Variants in SUGT1 observed in about 807,000 individuals in gnomAD.
SUGT1 encodes SGT1 assembly cochaperone of MIS12 kinetochore complex.
SUGT1 carries 15 observed loss-of-function variants against 56.1 expected under a neutral mutation model. The ratio of observed to expected loss-of-function variants is 0.27; its 90% confidence interval spans 0.18 to 0.41. The LOEUF (loss-of-function observed/expected upper bound fraction) is 0.41. SUGT1 is among the 10% of genes least tolerant of loss of function. SUGT1 has a pLI of 1.00. For missense variants in SUGT1, 347 were observed against 382.2 expected (o/e 0.91, Z 0.77); for synonymous variants, 123 against 128.6 (o/e 0.96, Z 0.30).
rs1054164753 is a variant in SUGT1, at chr13:52,696,281, G to A, written c.*8446G>A. ...CATTCTATGAGATCTCAATTAAAAT[G>A]TCAGTACTCTTGTGGAACTCCCCTC... is the stretch of plus-strand genomic sequence containing the variant. On this transcript the variant is annotated 3_prime_UTR_variant, in exon 13 of 13. Transcript: ENST00000310528. 6.6e-6 allele frequency: 1 copy of A among 152,210 alleles called. No homozygotes were observed. Among genetic ancestry groups the A allele is most frequent in the Non-Finnish European group, 1.5e-5 (1 of 68,060 alleles). The allele number at this position is 152,210 out of a possible 1,614,324, so 9.4% of individuals were successfully genotyped here. A position where few individuals can be genotyped will look rare whatever the true frequency, so the allele number is the denominator to read the frequency against.
In SUGT1 at chr13:52,691,361, A is replaced by T. The variant is rs1963770951; in HGVS notation, c.*3526A>T. On this transcript the variant is annotated 3_prime_UTR_variant, in exon 13 of 13. Transcript: ENST00000310528. ...ATAATTTAGATAGAAATTTTAATTT[A>T]GTTCAGTACTTAAATATTTTTTGGC... The T allele has an allele frequency of 1.3e-5, 2 of 152,116 alleles. No homozygotes were observed. Among genetic ancestry groups the T allele is most frequent in the Admixed American group, 1.3e-4 (2 of 15,288 alleles). The allele number at this position is 152,116 out of a possible 1,614,324, so 9.4% of individuals were successfully genotyped here. A position where few individuals can be genotyped will look rare whatever the true frequency, so the allele number is the denominator to read the frequency against.
At chr13:52,669,169 A>G (rs930909513) in intron 10 of SUGT1, among the ~76,000 whole-genome samples, 2 of 152,122 alleles carry the variant, frequency 1.3e-5, no homozygotes, top group East Asian at 3.9e-4. Context: ...TATACATTTC[A>G]TGTCCCTCGT....
At position 52,657,511 on chromosome 13, in the gene SUGT1, T is replaced by C. The variant is rs747621796; in HGVS notation, c.97-21T>C. 3.1e-6 allele frequency: 5 copies of C among 1,606,580 alleles called. No homozygotes were observed. In the East Asian group the frequency reaches 1.1e-4, roughly 36 times the overall value. On this transcript the variant is annotated intron_variant, in intron 2 of 12. Transcript: ENST00000310528. ...GCTTCTTACAAACTTTTACTGACGC[T>C]CCACATGTTTGTTTTTGTAGGAGCT... is the stretch of plus-strand genomic sequence containing the variant.
In SUGT1 at chr13:52,688,641, T is replaced by C. The variant is rs1963680189; in HGVS notation, c.*806T>C. 1 of 152,204 alleles carries C rather than the reference T, an allele frequency of 6.6e-6. No individual in the cohort carries two copies. The highest frequency in any genetic ancestry group is 1.5e-5 in the Non-Finnish European group (1 of 68,040). 9.4% of individuals were successfully genotyped at this position (152,204 alleles called of 1,614,324 possible). A position where few individuals can be genotyped will look rare whatever the true frequency, so the allele number is the denominator to read the frequency against. On this transcript the variant is annotated 3_prime_UTR_variant, in exon 13 of 13. Transcript: ENST00000310528. ...GAAAATCTCTGTTGTCACGTCCCCA[T>C]GATTACTTTGGTTTCATTGGTTTAT...
intron 5 of SUGT1, among the ~76,000 whole-genome samples, chr13:52,659,730 A>T (rs1360710904): frequency 6.7e-6 from 1 of 148,244 alleles, no homozygotes; most frequent in Non-Finnish European, 1.5e-5. Flanking sequence ...TTGAGGGAAT[A>T]TATGAAAAGT....
intron 10 of SUGT1, among the ~76,000 whole-genome samples, chr13:52,668,019 C>T (rs1335874377): frequency 1.3e-5 from 2 of 151,520 alleles, no homozygotes; most frequent in Non-Finnish European, 2.9e-5. Flanking sequence ...GCTCTGTTGC[C>T]AGGGTGGAGT....
At position 52,653,255 on chromosome 13, in the gene SUGT1, T is replaced by C. The variant is rs1961998251; in HGVS notation, c.96+152T>C. ...AGCTCCGGTATTGAGATTCTCCGTC[T>C]CTTTTCTCTGTTACACGGTAGCCGC... On this transcript the variant is annotated intron_variant, in intron 2 of 12. Coordinates refer to ENST00000310528, the MANE Select transcript of SUGT1 (RefSeq NM_006704.5). The C allele has an allele frequency of 4.1e-6, 4 of 973,000 alleles. No homozygotes were observed. The African/African-American group carries it at 4.9e-5, about 12-fold the overall frequency. The allele number at this position is 973,000 out of a possible 1,614,324, so 60.3% of individuals were successfully genotyped here.
intron 10 of SUGT1, among the ~76,000 whole-genome samples, chr13:52,674,958 G>A (rs1156636118): frequency 6.6e-6 from 1 of 152,064 alleles, no homozygotes; most frequent in Non-Finnish European, 1.5e-5. Flanking sequence ...GATGCTATTA[G>A]GATACTATTA....
At chr13:52,662,749 A>T (rs1000485547) in intron 6 of SUGT1, 47 bp downstream of exon 6, 1 of 1,575,216 alleles carries the variant, frequency 6.3e-7, no homozygotes. Context: ...AAAGAAGTAA[A>T]CATCTGAAAT....
intron 10 of SUGT1, among the ~76,000 whole-genome samples, chr13:52,669,613 T>C (rs1962849456): frequency 6.6e-6 from 1 of 152,224 alleles, no homozygotes; most frequent in Admixed American, 6.5e-5. Context: ...TAGGTTTTTC[T>C]AAGTTTTGAA....
At chr13:52,678,437 T>G (rs1695101723) in intron 11 of SUGT1, among the ~76,000 whole-genome samples, 1 of 152,106 alleles carries the variant, frequency 6.6e-6, no homozygotes, top group South Asian at 2.1e-4. Flanking sequence ...AGAGCAGTAT[T>G]GGGAGGAACA....
chr13:52,658,378 A>C, intron 3 of SUGT1, 21 bp from the exon 4 acceptor site: 1 of 1,609,298 alleles, frequency 6.2e-7, no homozygotes, highest in Non-Finnish European at 8.5e-7. Context: ...ACTGACTAAA[A>C]ACCCGTCTTT....
intron 2 of SUGT1, among the ~76,000 whole-genome samples, chr13:52,654,876 C>G (rs1962084481): frequency 6.6e-6 from 1 of 152,354 alleles, no homozygotes; most frequent in East Asian, 1.9e-4. Flanking sequence ...TAGTTATTAG[C>G]TAACAAAAAG....
At chr13:52,662,172 A>T (rs1308181833) in intron 5 of SUGT1, among the ~76,000 whole-genome samples, 1 of 152,346 alleles carries the variant, frequency 6.6e-6, no homozygotes, top group South Asian at 2.1e-4. Flanking sequence ...GGTAACAGAT[A>T]AAGCCACTGA....
intron 10 of SUGT1, among the ~76,000 whole-genome samples, chr13:52,672,463 TA>T (rs1962983418): frequency 6.6e-6 from 1 of 152,198 alleles, no homozygotes; most frequent in Admixed American, 6.5e-5. Context: ...TTTTTGCATT[TA>T]AAAAATGATT....
rs778997048 is a variant in SUGT1, at chr13:52,697,646, A to T, written c.*9811A>T. 6.6e-6 allele frequency: 1 copy of T among 152,222 alleles called. No homozygotes were observed. Among genetic ancestry groups the T allele is most frequent in the Admixed American group, 6.5e-5 (1 of 15,272 alleles). The allele number at this position is 152,222 out of a possible 1,614,324, so 9.4% of individuals were successfully genotyped here. On this transcript the variant is annotated 3_prime_UTR_variant, in exon 13 of 13. Coordinates refer to ENST00000310528, the MANE Select transcript of SUGT1 (RefSeq NM_006704.5). ...GTTGTATACTTTATTTTTAAACAGT[A>T]TCAACACCGTTGAGGCCCTTCAAGT...
At chr13:52,678,208 G>C (rs1369673453) in intron 11 of SUGT1, among the ~76,000 whole-genome samples, 1 of 152,102 alleles carries the variant, frequency 6.6e-6, no homozygotes, top group Non-Finnish European at 1.5e-5. Flanking sequence ...GGCTACTAGT[G>C]AAAATGTACA....
chr13:52,653,208 G>A (rs2138096469), intron 2 of SUGT1, 105 bp downstream of exon 2: 3 of 1,383,742 alleles, frequency 2.2e-6, no homozygotes, highest in Admixed American at 4.1e-5. Flanking sequence ...AGGGACCCAG[G>A]CTCTTGTTGA....
intron 11 of SUGT1, among the ~76,000 whole-genome samples, chr13:52,678,851 T>C (rs1265325744): frequency 1.3e-5 from 2 of 150,774 alleles, no homozygotes; most frequent in African/African-American, 2.5e-5. Flanking sequence ...CTAATTATTA[T>C]TATTTTTTTT....
Sources: gnomAD v4.1 joint callset for allele counts (sites outside exome capture counted in the v4.1 genomes callset) on GRCh38, gnomAD v4.1.1 for gene constraint, MANE v1.5 for transcripts, NCBI Gene and HGNC (gene_info 2026-07-23, HGNC 2026-07-21) for gene names.